The following GPR143 variants were observed in gnomAD, a reference collection of about 807,000 sequenced individuals.
GPR143 encodes G protein-coupled receptor 143, also known as G-protein coupled receptor 143.
In GPR143, 8 loss-of-function variants were observed where a neutral mutation model predicts 27.6. The ratio of observed to expected loss-of-function variants is 0.29; its 90% CI spans 0.17 to 0.52. The LOEUF (loss-of-function observed/expected upper bound fraction) is 0.52, where lower values mean the gene tolerates loss of function less well. GPR143 is among the 20% of genes least tolerant of loss of function. The pLI, the probability that GPR143 is intolerant of heterozygous loss-of-function variation, is 0.96. For missense variants in GPR143, 303 were observed against 343.1 expected, an observed-to-expected ratio of 0.88 and a Z score of 0.92; for synonymous variants, 156 against 153.2, an observed-to-expected ratio of 1.02 and a Z score of -0.13.
chrX:9,735,926 TTACGCACAGAAGTAGTATCC>T (rs1325507002), intron 8 of GPR143, among the ~76,000 whole-genome samples: 1 of 111,710 alleles, frequency 9.0e-6, no homozygotes, highest in African/African-American at 3.3e-5. Context: ...TTCCTTGACT[TTACGCACAGAAGTAGTATCC>T]GATGCACACT....
chrX:9,774,102 T>C (rs2083563621), intron 1 of GPR143, among the ~76,000 whole-genome samples: 1 of 107,254 alleles, frequency 9.3e-6, no homozygotes, highest in Admixed American at 1.0e-4. Context: ...CTGGGCAACA[T>C]GGCGAGACCC....
At chrX:9,737,948 C>T (rs964166921) in intron 8 of GPR143, among the ~76,000 whole-genome samples, 6 of 111,831 alleles carry the variant, frequency 5.4e-5, no homozygotes, top group East Asian at 2.8e-4. Context: ...TGCAGTGAGA[C>T]GTGTTCCTTC....
At chrX:9,745,363 A>G (rs764150358) in intron 5 of GPR143, among the ~76,000 whole-genome samples, 1 of 112,526 alleles carries the variant, frequency 8.9e-6, no homozygotes, top group Admixed American at 9.4e-5. Context: ...AAGTTCAACA[A>G]TCAACAGGTG....
intron 3 of GPR143, among the ~76,000 whole-genome samples, chrX:9,751,437 G>A (rs2083450978): frequency 8.9e-6 from 1 of 112,652 alleles, no homozygotes; most frequent in South Asian, 3.6e-4. Context: ...CAGAAGAGGG[G>A]CCAGTGATAG....
rs1209642318 is a variant in GPR143, at chrX:9,751,192, C to T, written c.456-2526G>A. On this transcript the variant is annotated intron_variant, in intron 3 of 8. Transcript: ENST00000467482. ...GCTAAGGGGCCAGGTGGACGTCAGG[C>T]CTGGCTGCTTTCTGCTACTTACGCT... is the stretch of plus-strand genomic sequence containing the variant. 8.0e-5 allele frequency among the ~76,000 whole-genome samples: 9 copies of T among 112,741 alleles called. No individual in the cohort carries two copies. In the Admixed American group the frequency reaches 8.4e-4, roughly 11 times the overall value.
At chrX:9,733,677 G>C (rs968131159) in intron 8 of GPR143, among the ~76,000 whole-genome samples, 1 of 111,623 alleles carries the variant, frequency 9.0e-6, no homozygotes, top group African/African-American at 3.3e-5. Context: ...GGAAAGAAGA[G>C]GAATTGAGGG....
chrX:9,769,051 G>C (rs549368049), upstream of GPR143, among the ~76,000 whole-genome samples: 1 of 111,901 alleles, frequency 8.9e-6, no homozygotes, highest in Non-Finnish European at 1.9e-5. Context: ...CACACACTTG[G>C]GAGGCAGAAA....
intron 1 of GPR143, among the ~76,000 whole-genome samples, chrX:9,764,677 A>AT (rs2083520005): frequency 9.0e-6 from 1 of 110,930 alleles, no homozygotes; most frequent in Non-Finnish European, 1.9e-5. Context: ...CAATAAACGG[A>AT]TTTTTTAAAA....
intron 4 of GPR143, 34 bp downstream of exon 4, chrX:9,748,540 T>A: frequency 1.1e-6 from 1 of 921,954 alleles, no homozygotes; most frequent in Non-Finnish European, 1.6e-6. Flanking sequence ...GAGCCAAGGA[T>A]GGGGCTGCCT....
intron 5 of GPR143, among the ~76,000 whole-genome samples, chrX:9,745,635 G>C (rs188151058): frequency 8.0e-4 from 90 of 111,975 alleles, no homozygotes; most frequent in Non-Finnish European, 1.4e-3. Flanking sequence ...CTGCCCATCT[G>C]AGAAAAAACA....
chrX:9,762,098 AAAAGT>A (rs1272484953), intron 1 of GPR143, among the ~76,000 whole-genome samples: 1 of 108,412 alleles, frequency 9.2e-6, no homozygotes, highest in Non-Finnish European at 1.9e-5. Flanking sequence ...AAAAGAAAAG[AAAAGT>A]AAAGAGCCTG....
chrX:9,752,309 C>T (rs1463466253), intron 3 of GPR143, among the ~76,000 whole-genome samples: 1 of 111,711 alleles, frequency 9.0e-6, no homozygotes, highest in Non-Finnish European at 1.9e-5. Context: ...CTCAAGCAAT[C>T]CTCCCATCTC....
In GPR143 at chrX:9,765,080, C is replaced by T. The variant is rs73194152; in HGVS notation, c.250+488G>A. Among the ~76,000 whole-genome samples the T allele has an allele frequency of 7.6e-3, 846 of 111,529 alleles. 5 individuals are homozygous for T. The highest frequency in any genetic ancestry group is 0.011 in the Non-Finnish European group (601 of 52,979). The stretch of plus-strand genomic sequence containing the variant: ...CATCCGGTCCCTAGGGAACAGCCTC[C>T]GCTTTCTCTTTTCTCTGTGGTTCAA... On this transcript the variant is annotated intron_variant, in intron 1 of 8. Coordinates refer to ENST00000467482, the MANE Select transcript of GPR143 (RefSeq NM_000273.3).
chrX:9,747,890 A>G (rs1391955069), intron 4 of GPR143: 1 of 113,083 alleles, frequency 8.8e-6, no homozygotes, highest in Non-Finnish European at 1.9e-5. Flanking sequence ...TGAGGGCTAC[A>G]CTGTGTTGAT....
At chrX:9,764,694 G>T (rs889921087) in intron 1 of GPR143, among the ~76,000 whole-genome samples, 2 of 111,202 alleles carry the variant, frequency 1.8e-5, no homozygotes, top group African/African-American at 3.3e-5. Flanking sequence ...AAAACCCAAC[G>T]TCCCTTGGAT....
chrX:9,738,537 C>T (rs1427160924), intron 8 of GPR143: 1 of 742,138 alleles, frequency 1.3e-6, no homozygotes, highest in African/African-American at 2.3e-5. Context: ...ATCAATTCAT[C>T]AGTTCATCAC....
chrX:9,760,726 C>T lies in GPR143; in HGVS notation c.351G>A (p.Val117=), dbSNP rs1366991865. ...GAGGGGGTGGACTCACCGCACTCCCCACGCAGAAAGCAGCAGGCCAAATTT... is the reference window on the plus strand; with the variant it reads ...GAGGGGGTGGACTCACCGCACTCCCTACGCAGAAAGCAGCAGGCCAAATTT... ...HTEIWPAAFC[V]GSAMWIQLLY... Residue 117 remains valine (V), a synonymous_variant, in exon 2 of 9, where the codon GTG becomes GTA. Coordinates refer to ENST00000467482, the MANE Select transcript of GPR143 (RefSeq NM_000273.3). 1.7e-6 allele frequency: 2 copies of T among 1,164,200 alleles called. No homozygotes were observed. The highest frequency in any genetic ancestry group is 1.8e-5 in the African/African-American group (1 of 56,293).
intron 8 of GPR143, among the ~76,000 whole-genome samples, chrX:9,734,140 G>GA (rs1016821766): frequency 1.0e-4 from 11 of 108,321 alleles, no homozygotes; most frequent in Admixed American, 7.9e-4. Flanking sequence ...AGATTTTCAA[G>GA]AAAAAATAGA....
At chrX:9,767,601 CAA>C (rs1191237242), upstream of GPR143, among the ~76,000 whole-genome samples, 2 of 111,575 alleles carry the variant, frequency 1.8e-5, no homozygotes, top group Non-Finnish European at 1.9e-5. Context: ...TCCACCACTT[CAA>C]AAGAGTCCAG....
Sources: allele counts gnomAD v4.1 joint callset (sites outside exome capture counted in the v4.1 genomes callset), GRCh38; gene constraint gnomAD v4.1.1; transcripts MANE v1.5; gene names NCBI Gene and HGNC (gene_info 2026-07-23, HGNC 2026-07-21).